Variants in TCP1 observed in about 807,000 individuals in gnomAD.
TCP1 encodes the protein T-complex protein 1 subunit alpha.
In TCP1, 6 loss-of-function variants were observed where a neutral mutation model predicts 54.7. The ratio of observed to expected loss-of-function variants is 0.11; its 90% CI spans 0.06 to 0.22. The LOEUF (loss-of-function observed/expected upper bound fraction) is 0.22. TCP1 is among the 10% of genes least tolerant of loss of function. TCP1 has a pLI of 1.00. For missense variants in TCP1, 511 were observed against 678.2 expected (o/e 0.75, Z 2.74); for synonymous variants, 225 against 229.7 (o/e 0.98, Z 0.19).
chr6:159,789,183 C>T (rs1780784187), intron 1 of TCP1: 1 of 552,208 alleles, frequency 1.8e-6, no homozygotes, highest in Non-Finnish European at 3.2e-6. Context: ...CGTTGCCGGT[C>T]TCAAAACCCT....
chr6:159,787,987 GA>G, intron 2 of TCP1, 70 bp downstream of exon 2: 1 of 1,607,444 alleles, frequency 6.2e-7, no homozygotes, highest in Non-Finnish European at 8.5e-7. Flanking sequence ...TAAAGTCAAA[GA>G]AAGAACATAG....
At chr6:159,779,575 T>C (rs1780522492) in intron 11 of TCP1, 52 bp downstream of exon 11, 17 of 1,540,966 alleles carry the variant, frequency 1.1e-5, no homozygotes, top group Non-Finnish European at 1.5e-5. Context: ...ACTATCCTTT[T>C]TAATGCAACC....
Position 159,778,900 on chromosome 6 carries a change from C to CA in TCP1, c.*144dup, listed in dbSNP as rs1324051674. On this transcript the variant is annotated 3_prime_UTR_variant, in exon 12 of 12. Coordinates refer to ENST00000321394, the MANE Select transcript of TCP1 (RefSeq NM_030752.3). ...AGTACTAGGTTGCAATATGTGAAAT[C>CA]AGAGGACCAAAGTACAGATGGAAAC... The CA allele has an allele frequency of 9.4e-6, 15 of 1,597,578 alleles. No homozygotes were observed. In the East Asian group the frequency reaches 2.9e-4, roughly 31 times the overall value.
Position 159,785,882 on chromosome 6 carries a change from G to A in TCP1, c.377+18C>T, listed in dbSNP as rs918459572. 1 of 1,605,032 alleles carries A rather than the reference G, an allele frequency of 6.2e-7. No homozygotes were observed. The highest frequency in any genetic ancestry group is 1.3e-5 in the African/African-American group (1 of 74,680). On this transcript the variant is annotated intron_variant, in intron 4 of 11. Transcript: ENST00000321394. The stretch of plus-strand genomic sequence containing the variant: ...CTATTACATCAAAAAAAATTTCTCT[G>A]AATGCAAACAATCTTACTTGCAAGC...
intron 5 of TCP1, 120 bp downstream of exon 5, chr6:159,785,266 C>T (rs1246167405): frequency 1.3e-6 from 1 of 769,780 alleles, no homozygotes; most frequent in Non-Finnish European, 2.2e-6. Context: ...CTCCTGGGTT[C>T]AATTAATACT....
Position 159,784,805 on chromosome 6 carries a change from A to C in TCP1, c.531T>G (p.Leu177=). The change falls in exon 6 of 12, where the codon CTT becomes CTG. Residue 177 remains leucine, a synonymous_variant. Transcript: ENST00000321394. ...CTCTTATGTCTGTGTATTTAATAGCAAGTACAGCATCTACTACCATGTTAG... is the reference window on the plus strand; with the variant it reads ...CTCTTATGTCTGTGTATTTAATAGCCAGTACAGCATCTACTACCATGTTAG... ...FFANMVVDAV[L]AIKYTDIRGQ... 6.2e-7 allele frequency: 1 copy of C among 1,614,178 alleles called. No homozygotes were observed. The highest frequency in any genetic ancestry group is 8.5e-7 in the Non-Finnish European group (1 of 1,180,020).
chr6:159,781,033 A>G lies in TCP1; in HGVS notation c.875T>C (p.Ile292Thr), dbSNP rs908794210. 3.7e-6 allele frequency: 6 copies of G among 1,613,562 alleles called. No individual in the cohort carries two copies. Among genetic ancestry groups the G allele is most frequent in the Non-Finnish European group, 5.1e-6 (6 of 1,179,814 alleles). ...AAAATACTTCAGACACATATCATCA[A>G]TTCCACCAGTGGTTAGAATAACATT... The part of the protein sequence containing the change: ...GANVILTTGG[I>T]DDMCLKYFVE... Residue 292 changes from isoleucine to threonine, a missense_variant, in exon 8 of 12, where the codon ATT (isoleucine) becomes ACT (threonine). Physicochemically the swap from Ile to Thr is moderately conservative, Grantham distance 89. This residue lies in a region of TCP1 where 305 missense variants were observed against 352.8 expected (regional missense o/e 0.86). Transcript: ENST00000321394.
chr6:159,785,085 T>C (rs1022566102), intron 5 of TCP1: 10 of 602,904 alleles, frequency 1.7e-5, no homozygotes, highest in Non-Finnish European at 2.6e-5. Context: ...GTAATTTCAA[T>C]ACAGCATTAC....
intron 5 of TCP1, 33 bp downstream of exon 5, chr6:159,785,353 A>T: frequency 6.5e-7 from 1 of 1,537,284 alleles, no homozygotes; most frequent in Non-Finnish European, 9.0e-7. Context: ...TGCTTTAAAA[A>T]GTCTAAATTT....
chr6:159,785,206 C>A (rs1447595960), intron 5 of TCP1, 180 bp downstream of exon 5: 7 of 621,064 alleles, frequency 1.1e-5, no homozygotes, highest in Non-Finnish European at 2.0e-5. Context: ...CGCACACACG[C>A]ACCCACTCCC....
chr6:159,779,482 GAAC>G lies in TCP1; in HGVS notation c.1454+142_1454+144del, dbSNP rs1240197285. On this transcript the variant is annotated intron_variant, in intron 11 of 11. Transcript: ENST00000321394. ...CATTATCCCTTGAATTACAGTGACTGAACAACAAATGCTTGCTGTGAAGTTTTT... is the reference window on the plus strand; with the variant it reads ...CATTATCCCTTGAATTACAGTGACTGAACAAATGCTTGCTGTGAAGTTTTT... 1.0e-5 allele frequency: 12 copies of G among 1,185,010 alleles called. No individual in the cohort carries two copies. The Admixed American group carries it at 2.4e-4, about 23-fold the overall frequency. The allele number at this position is 1,185,010 out of a possible 1,614,324, so 73.4% of individuals were successfully genotyped here.
At chr6:159,783,314 A>G (rs1253589162) in intron 7 of TCP1, among the ~76,000 whole-genome samples, 1 of 151,986 alleles carries the variant, frequency 6.6e-6, no homozygotes, top group Non-Finnish European at 1.5e-5. Context: ...GACTGATTTA[A>G]AAGATGACAG....
intron 8 of TCP1, 34 bp from the exon 9 acceptor site, chr6:159,780,600 T>C (rs771732757): frequency 1.3e-6 from 2 of 1,596,828 alleles, no homozygotes; most frequent in Non-Finnish European, 1.7e-6. Context: ...CTGTGAATAT[T>C]GCTCTTTCAT....
At chr6:159,788,348 G>T (rs973196598) in intron 1 of TCP1, 1 of 508,210 alleles carries the variant, frequency 2.0e-6, no homozygotes, top group Admixed American at 3.3e-5. Flanking sequence ...CCAACACTGC[G>T]AGGCCGAGGC....
rs1225250669 is a variant in TCP1 at position 159,779,179 on chromosome 6, TCTTAA to T, written c.1532_1536del (p.Val511GlufsTer16). The T allele has an allele frequency of 1.2e-6, 2 of 1,613,978 alleles. No homozygotes were observed. The highest frequency in any genetic ancestry group is 1.7e-6 in the Non-Finnish European group (2 of 1,179,856). On this transcript the variant is annotated frameshift_variant, in exon 12 of 12. Transcript: ENST00000321394. LOFTEE classifies it high-confidence loss of function. ...GCAGCTTCTGTTGCAAATTTCAAAC[TCTTAA>T]CTTTAACTATGGTTGGTTCAAACAC...
At chr6:159,784,602 C>CCAA in intron 6 of TCP1, 64 bp downstream of exon 6, 2 of 1,555,834 alleles carry the variant, frequency 1.3e-6, no homozygotes, top group Non-Finnish European at 1.7e-6. Context: ...CCGCGCCCAG[C>CCAA]CAAAAGAAAA....
intron 1 of TCP1, chr6:159,788,464 T>C (rs1780752527): frequency 3.6e-6 from 1 of 279,520 alleles, no homozygotes; most frequent in Non-Finnish European, 7.0e-6. Flanking sequence ...CGCGGACCTG[T>C]GCTTGGAGAA....
intron 7 of TCP1, among the ~76,000 whole-genome samples, chr6:159,782,478 G>A (rs1432933837): frequency 1.3e-5 from 2 of 152,160 alleles, no homozygotes; most frequent in African/African-American, 4.8e-5. Flanking sequence ...AACAGTCTAG[G>A]CAAGAAAATG....
chr6:159,788,021 C>T (rs368879306), intron 2 of TCP1, 37 bp downstream of exon 2: 10 of 1,610,176 alleles, frequency 6.2e-6, no homozygotes, highest in Non-Finnish European at 7.6e-6. Context: ...GATAGTTTTA[C>T]TTTAAGGAAA....
Sources: gnomAD v4.1 joint callset for allele counts (sites outside exome capture counted in the v4.1 genomes callset) on GRCh38, gnomAD v4.1.1 for gene constraint, gnomAD v4.1.1 regional missense constraint, MANE v1.5 for transcripts, NCBI Gene and HGNC (gene_info 2026-07-23, HGNC 2026-07-21) for gene names.